The following NRG4 variants were observed in gnomAD, a reference collection of about 807,000 sequenced individuals.
The protein encoded by NRG4 is pro-neuregulin-4, membrane-bound isoform.
NRG4 carries 10 observed loss-of-function variants against 15.0 expected under a neutral mutation model. The observed-to-expected ratio is 0.67, with a 90% CI of 0.41 to 1.13. NRG4 has a LOEUF of 1.13. NRG4 is among the 50% of genes most tolerant of loss of function. NRG4 has a pLI of 0.00. For missense variants in NRG4, 139 were observed against 140.2 expected (o/e 0.99, Z 0.04); for synonymous variants, 41 against 50.1 (o/e 0.82, Z 0.77).
intron 5 of NRG4, among the ~76,000 whole-genome samples, chr15:75,944,955 CTTTTT>C (rs397714796): frequency 2.0e-5 from 3 of 149,012 alleles, no homozygotes; most frequent in African/African-American, 7.4e-5. Flanking sequence ...TTTTTTAATA[CTTTTT>C]TTTTTAACAA....
intron 4 of NRG4, among the ~76,000 whole-genome samples, chr15:76,048,432 A>T (rs2035923299): frequency 6.9e-6 from 1 of 144,248 alleles, no homozygotes; most frequent in Non-Finnish European, 1.5e-5. Flanking sequence ...AGATCAGGCC[A>T]CTATACTCCA....
intron 3 of NRG4, among the ~76,000 whole-genome samples, chr15:75,986,044 C>T (rs764332311): frequency 6.6e-6 from 1 of 152,138 alleles, no homozygotes; most frequent in East Asian, 1.9e-4. Flanking sequence ...CCTCACCTAT[C>T]AAAAGATTGA....
At chr15:75,984,595 C>T (rs1253422198) in intron 3 of NRG4, among the ~76,000 whole-genome samples, 1 of 152,058 alleles carries the variant, frequency 6.6e-6, no homozygotes, top group African/African-American at 2.4e-5. Flanking sequence ...AATAAGAACA[C>T]ACGGACACAG....
chr15:75,963,469 C>T (rs1227021393), intron 3 of NRG4, among the ~76,000 whole-genome samples: 2 of 151,936 alleles, frequency 1.3e-5, no homozygotes, highest in African/African-American at 4.8e-5. Flanking sequence ...TACAGTGAGA[C>T]CTTGTCTTTA....
intron 4 of NRG4, among the ~76,000 whole-genome samples, chr15:76,036,914 G>A (rs1185177324): frequency 1.3e-5 from 2 of 152,002 alleles, no homozygotes; most frequent in African/African-American, 2.4e-5. Context: ...AAGAAATAAA[G>A]AGAATCCAAA....
chr15:76,051,128 C>T (rs1211349021), intron 4 of NRG4, among the ~76,000 whole-genome samples: 1 of 148,118 alleles, frequency 6.8e-6, no homozygotes. Flanking sequence ...GCCTCAGCCT[C>T]CCAAGTAGCT....
At chr15:75,967,924 T>G (rs187747382) in intron 3 of NRG4, among the ~76,000 whole-genome samples, 171 of 152,364 alleles carry the variant, frequency 1.1e-3, no homozygotes, top group African/African-American at 3.9e-3. Context: ...AATTTCATTG[T>G]GAAGGACTAT....
In NRG4 at chr15:75,975,915, G is replaced by A. The variant is rs187686913; in HGVS notation, c.105-13941C>T. Among the ~76,000 whole-genome samples the A allele has an allele frequency of 1.8e-3, 267 of 152,230 alleles. 2 individuals carry two copies. The highest frequency in any genetic ancestry group is 6.2e-3 in the African/African-American group (256 of 41,534). The stretch of plus-strand genomic sequence containing the variant: ...TGTTGGCCTGTCTTGCTAGGTTGGG[G>A]AAATTCTCCTGGATAATATCCTGAA... On this transcript the variant is annotated intron_variant, in intron 3 of 5. Transcript: ENST00000394907.
At chr15:76,043,216 G>C (rs1328611774) in intron 4 of NRG4, among the ~76,000 whole-genome samples, 1 of 152,134 alleles carries the variant, frequency 6.6e-6, no homozygotes, top group African/African-American at 2.4e-5. Context: ...GAATAGCTGA[G>C]TCTTTCTTCT....
rs969851050 is a variant in NRG4, at chr15:75,941,538, T to C, written c.*2100A>G. The C allele has an allele frequency of 2.4e-4, 37 of 152,184 alleles. No homozygotes were observed. The highest frequency in any genetic ancestry group is 1.0e-4 in the Non-Finnish European group (7 of 68,024). The allele number at this position is 152,184 out of a possible 1,614,324, so 9.4% of individuals were successfully genotyped here. A position where few individuals can be genotyped will look rare whatever the true frequency, so the allele number is the denominator to read the frequency against. ...AGAAACAACCCAAATACCCAACAGA[T>C]GAATGGATAGACAAAATGTGTTATA... On this transcript the variant is annotated 3_prime_UTR_variant, in exon 6 of 6. Coordinates refer to ENST00000394907, the MANE Select transcript of NRG4 (RefSeq NM_138573.4).
At chr15:75,997,175 A>T (rs2034247462) in intron 3 of NRG4, among the ~76,000 whole-genome samples, 1 of 152,162 alleles carries the variant, frequency 6.6e-6, no homozygotes, top group Non-Finnish European at 1.5e-5. Flanking sequence ...ACAAAATTAC[A>T]AATAACTTTT....
intron 5 of NRG4, among the ~76,000 whole-genome samples, chr15:76,020,227 A>G (rs1288849325): frequency 1.3e-5 from 2 of 152,150 alleles, no homozygotes; most frequent in African/African-American, 4.8e-5. Flanking sequence ...ACACAACAAT[A>G]TTGAAATTAG....
At chr15:76,033,432 TA>T (rs1284332962) in intron 5 of NRG4, among the ~76,000 whole-genome samples, 1 of 152,192 alleles carries the variant, frequency 6.6e-6, no homozygotes, top group Non-Finnish European at 1.5e-5. Context: ...TTACTTCATA[TA>T]ACCATTATTT....
rs923031539 is a variant in NRG4, at chr15:76,050,977, A to T, written c.-105+1090T>A. On this transcript the variant is annotated intron_variant, in intron 4 of 8. Transcript: ENST00000563910. ...TGTGCCACCATGCCTGCCTATTTTTATTTATTTATTTATTTATTTATTTAT... is the reference window on the plus strand; with the variant it reads ...TGTGCCACCATGCCTGCCTATTTTTTTTTATTTATTTATTTATTTATTTAT... Among the ~76,000 whole-genome samples, 14 of 142,188 alleles carry T rather than the reference A, an allele frequency of 9.8e-5. 1 individual carries two copies. Among genetic ancestry groups the T allele is most frequent in the Admixed American group, 1.4e-4 (2 of 14,668 alleles). The allele number at this position is 142,188 out of a possible 152,430, so 93.3% of individuals were successfully genotyped here.
intron 3 of NRG4, among the ~76,000 whole-genome samples, chr15:75,995,391 A>C (rs908478286): frequency 3.3e-5 from 5 of 152,024 alleles, no homozygotes; most frequent in African/African-American, 1.2e-4. Context: ...GGGGAAGACC[A>C]CAGACTCTTT....
intron 3 of NRG4, among the ~76,000 whole-genome samples, chr15:75,975,546 G>A (rs981592549): frequency 2.0e-5 from 3 of 152,120 alleles, no homozygotes; most frequent in African/African-American, 7.2e-5. Flanking sequence ...CAGGCCTGGT[G>A]GTAACAAAGT....
intron 3 of NRG4, among the ~76,000 whole-genome samples, chr15:76,007,162 G>C (rs1204625142): frequency 6.6e-6 from 1 of 151,048 alleles, no homozygotes; most frequent in Non-Finnish European, 1.5e-5. Flanking sequence ...AAACGTCATT[G>C]AGTCGAAGAA....
chr15:75,967,456 A>ATTTTTT (rs71140189), intron 3 of NRG4, among the ~76,000 whole-genome samples: 2 of 100,202 alleles, frequency 2.0e-5, no homozygotes, highest in African/African-American at 3.6e-5. Flanking sequence ...AAAATCTTAG[A>ATTTTTT]TTTTTTTTTT....
chr15:76,030,572 T>C (rs1017156648), intron 5 of NRG4, among the ~76,000 whole-genome samples: 5 of 151,994 alleles, frequency 3.3e-5, no homozygotes, highest in Non-Finnish European at 7.4e-5. Flanking sequence ...CCTCTAACCT[T>C]ATAAAAAAAG....
Sources: gnomAD v4.1 joint callset for allele counts (sites outside exome capture counted in the v4.1 genomes callset) on GRCh38, gnomAD v4.1.1 for gene constraint, MANE v1.5 for transcripts, NCBI Gene and HGNC (gene_info 2026-07-23, HGNC 2026-07-21) for gene names.